The following DENND1A variants were observed in gnomAD, a reference collection of about 807,000 sequenced individuals.
DENND1A encodes DENN domain containing 1A.
DENND1A carries 51 observed loss-of-function variants against 113.7 expected under a neutral mutation model. The observed-to-expected ratio is 0.45, with a 90% CI of 0.36 to 0.57. DENND1A has a LOEUF of 0.57. DENND1A is among the 20% of genes least tolerant of loss of function. The pLI is 0.00. For synonymous variants in DENND1A, 565 were observed against 570.8 expected, an observed-to-expected ratio of 0.99 and a Z score of 0.14; for missense variants, 1,258 against 1,395.9, an observed-to-expected ratio of 0.90 and a Z score of 1.57.
At chr9:123,492,324 G>T (rs2051445504) in intron 13 of DENND1A, among the ~76,000 whole-genome samples, 1 of 152,256 alleles carries the variant, frequency 6.6e-6, no homozygotes, top group Admixed American at 6.5e-5. Context: ...GAGCTTCACA[G>T]AGGACCAGAG....
At chr9:123,760,362 A>G (rs1408340498) in intron 4 of DENND1A, among the ~76,000 whole-genome samples, 1 of 152,236 alleles carries the variant, frequency 6.6e-6, no homozygotes, top group East Asian at 1.9e-4. Flanking sequence ...TTCCAATACA[A>G]AGGTCAATGG....
intron 19 of DENND1A, among the ~76,000 whole-genome samples, chr9:123,431,332 A>G (rs536947586): frequency 4.2e-4 from 64 of 152,292 alleles, no homozygotes; most frequent in Non-Finnish European, 7.8e-4. Context: ...TACACCAGGT[A>G]CAGGATACCA....
At chr9:123,624,387 C>T (rs1176845074) in intron 10 of DENND1A, among the ~76,000 whole-genome samples, 2 of 152,172 alleles carry the variant, frequency 1.3e-5, no homozygotes, top group African/African-American at 2.4e-5. Context: ...CTGACCAAAG[C>T]AGTGGTAGTG....
At chr9:123,815,993 CTT>C (rs1170659580) in intron 2 of DENND1A, among the ~76,000 whole-genome samples, 91 of 79,778 alleles carry the variant, frequency 1.1e-3, no homozygotes, top group African/African-American at 4.4e-3. Flanking sequence ...AGTGACTGTA[CTT>C]TTTTTTTTTT....
chr9:123,618,016 C>G (rs909595811), intron 10 of DENND1A, among the ~76,000 whole-genome samples: 8 of 152,234 alleles, frequency 5.3e-5, no homozygotes, highest in African/African-American at 1.7e-4. Context: ...TGCCAAGATG[C>G]ATAGCATCCA....
chr9:123,462,278 C>T (rs757349099), intron 13 of DENND1A, among the ~76,000 whole-genome samples: 90 of 152,374 alleles, frequency 5.9e-4, no homozygotes, highest in Non-Finnish European at 9.8e-4. Context: ...TGGAAACTTT[C>T]ATGAAGTCGA....
chr9:123,843,193 C>T (rs1281377788), intron 2 of DENND1A: 4 of 548,940 alleles, frequency 7.3e-6, no homozygotes, highest in Non-Finnish European at 7.4e-6. Flanking sequence ...TTTGTAGCTG[C>T]TGTCAATCTA....
intron 5 of DENND1A, among the ~76,000 whole-genome samples, chr9:123,718,034 C>T (rs1160265653): frequency 6.6e-6 from 1 of 152,232 alleles, no homozygotes; most frequent in Non-Finnish European, 1.5e-5. Context: ...GTCTTTTCAT[C>T]TTGCTGGGTG....
At chr9:123,403,329 C>T in intron 21 of DENND1A, 73 bp downstream of exon 21, 6 of 1,527,582 alleles carry the variant, frequency 3.9e-6, no homozygotes, top group Non-Finnish European at 5.4e-6. Flanking sequence ...GGGCTACACG[C>T]TTGGGCTTCG....
intron 1 of DENND1A, among the ~76,000 whole-genome samples, chr9:123,890,989 A>G (rs535009748): frequency 4.6e-5 from 7 of 152,014 alleles, no homozygotes; most frequent in African/African-American, 1.2e-4. Flanking sequence ...TATAGGCCCA[A>G]TTGTTTTTCT....
At chr9:123,917,456 T>G (rs1437853338) in intron 1 of DENND1A, among the ~76,000 whole-genome samples, 4 of 152,134 alleles carry the variant, frequency 2.6e-5, no homozygotes, top group Non-Finnish European at 5.9e-5. Context: ...TTGGTGTTGT[T>G]GGAAATCAAG....
intron 11 of DENND1A, among the ~76,000 whole-genome samples, chr9:123,597,068 G>A (rs1047317158): frequency 2.0e-5 from 3 of 152,156 alleles, no homozygotes; most frequent in African/African-American, 4.8e-5. Context: ...ATGGTTTGGG[G>A]TCACCCTATC....
At chr9:123,743,476 A>G (rs1017272304) in intron 5 of DENND1A, among the ~76,000 whole-genome samples, 1 of 152,052 alleles carries the variant, frequency 6.6e-6, no homozygotes, top group Non-Finnish European at 1.5e-5. Context: ...TCACTCCTGT[A>G]ATCCCAGCAC....
At chr9:123,699,522 C>G (rs1264225271) in intron 5 of DENND1A, among the ~76,000 whole-genome samples, 2 of 151,986 alleles carry the variant, frequency 1.3e-5, no homozygotes, top group Admixed American at 1.3e-4. Flanking sequence ...AGGTTCCCCC[C>G]TCACCCTGGC....
chr9:123,548,255 G>GA (rs1441715802), intron 13 of DENND1A, among the ~76,000 whole-genome samples: 10 of 152,182 alleles, frequency 6.6e-5, no homozygotes, highest in Middle Eastern at 3.4e-3. Flanking sequence ...ACTAAAATGG[G>GA]AAAAAATGTT....
chr9:123,824,351 T>C (rs138612009), intron 2 of DENND1A, among the ~76,000 whole-genome samples: 29 of 152,246 alleles, frequency 1.9e-4, no homozygotes, highest in African/African-American at 6.3e-4. Context: ...CAACAATAGA[T>C]TGAAAGTTCT....
intron 9 of DENND1A, among the ~76,000 whole-genome samples, chr9:123,644,594 G>A (rs149771827): frequency 2.7e-3 from 405 of 152,258 alleles, no homozygotes; most frequent in Middle Eastern, 0.01. Flanking sequence ...CCGCACAAGG[G>A]ACTGGAAAAT....
chr9:123,637,955 A>ACACACACACACACGCG (rs907394653), intron 9 of DENND1A, among the ~76,000 whole-genome samples: 1 of 1,690 alleles, frequency 5.9e-4, no homozygotes, highest in African/African-American at 1.4e-3. Context: ...ACACACGCGC[A>ACACACACACACACGCG]CACACACACA....
intron 16 of DENND1A, among the ~76,000 whole-genome samples, chr9:123,453,817 C>T (rs1367228678): frequency 6.6e-6 from 1 of 152,186 alleles, no homozygotes; most frequent in Non-Finnish European, 1.5e-5. Context: ...GAAATTTTCA[C>T]CCACTCATTT....
Sources: gnomAD v4.1 joint callset for allele counts (sites outside exome capture counted in the v4.1 genomes callset) on GRCh38, gnomAD v4.1.1 for gene constraint, MANE v1.5 for transcripts, NCBI Gene and HGNC (gene_info 2026-07-23, HGNC 2026-07-21) for gene names.